Variants in ACOT12 observed in about 807,000 individuals in gnomAD.
ACOT12 encodes acyl-CoA thioesterase 12, also known as acetyl-coenzyme A thioesterase.
A neutral mutation model predicts 67.7 loss-of-function variants in ACOT12; 51 were observed. The ratio of observed to expected loss-of-function variants is 0.75; its 90% CI spans 0.60 to 0.95. ACOT12 has a LOEUF of 0.95. Among genes scored for constraint, ACOT12 ranks in the 40% least tolerant of loss-of-function variants. The probability of loss-of-function intolerance (pLI) is 0.00; values close to 1 mark genes in which losing one functional copy is unlikely to be tolerated. For synonymous variants in ACOT12, 251 were observed against 244.6 expected, an observed-to-expected ratio of 1.03 and a Z score of -0.24; for missense variants, 734 against 708.1, an observed-to-expected ratio of 1.04 and a Z score of -0.41.
At chr5:81,378,937 C>G (rs548576230) in intron 2 of ACOT12, among the ~76,000 whole-genome samples, 2 of 152,284 alleles carry the variant, frequency 1.3e-5, no homozygotes, top group East Asian at 1.9e-4. Context: ...CCTCAAGGAT[C>G]TAGAACTAGA....
At position 81,393,979 on chromosome 5, in the gene ACOT12, C is replaced by T. The variant is rs1052649132; in HGVS notation, c.127+9G>A. The T allele has an allele frequency of 1.3e-5, 18 of 1,343,836 alleles. No individual in the cohort carries two copies. The highest frequency in any genetic ancestry group is 7.6e-5 in the Admixed American group (2 of 26,228). 83.2% of individuals were successfully genotyped at this position (1,343,836 alleles called of 1,614,324 possible). ...CCCGCGCCTCCCCGCAGCCCCGGCG[C>T]CCGCCTACCCGCCAGGCAGGCGGTG... On this transcript the variant is annotated intron_variant, in intron 1 of 14. Transcript: ENST00000307624.
At chr5:81,308,685 G>A in the ACOT12 span, 1 of 1,612,610 alleles carries the variant, frequency 6.2e-7, no homozygotes, top group Non-Finnish European at 8.5e-7. Flanking sequence ...ATAACCAAGT[G>A]TAAGGCTAAA....
chr5:81,311,497 C>A, the ACOT12 span, among the ~76,000 whole-genome samples: 7 of 152,030 alleles, frequency 4.6e-5, no homozygotes, highest in African/African-American at 1.7e-4. Context: ...CCTTAGGGGA[C>A]CCTGACTTTA....
At chr5:81,366,493 T>C (rs1431173816) in intron 3 of ACOT12, among the ~76,000 whole-genome samples, 1 of 152,212 alleles carries the variant, frequency 6.6e-6, no homozygotes, top group Non-Finnish European at 1.5e-5. Context: ...TAAGGCCAGA[T>C]AGTAAATATT....
chr5:81,362,167 T>A (rs1056039649), intron 4 of ACOT12, among the ~76,000 whole-genome samples: 1 of 148,848 alleles, frequency 6.7e-6, no homozygotes, highest in Non-Finnish European at 1.5e-5. Flanking sequence ...TATATTCTTT[T>A]TTTTTTTTTT....
At chr5:81,335,699 TTCAGTATGGAGA>T in intron 12 of ACOT12, 57 bp downstream of exon 12, 1 of 1,512,926 alleles carries the variant, frequency 6.6e-7, no homozygotes, top group Non-Finnish European at 9.0e-7. Context: ...GGAGATGGAC[TTCAGTATGGAGA>T]TCATCTTTTA....
chr5:81,336,319 A>G (rs535177189), intron 11 of ACOT12, among the ~76,000 whole-genome samples: 12 of 152,244 alleles, frequency 7.9e-5, no homozygotes, highest in African/African-American at 2.4e-4. Context: ...ATAGCTTAGG[A>G]CACTTTCCCA....
intron 10 of ACOT12, 106 bp from the exon 11 acceptor site, chr5:81,342,861 G>C: frequency 8.1e-6 from 9 of 1,108,324 alleles, no homozygotes; most frequent in Non-Finnish European, 1.2e-5. Context: ...GGTATGTGTT[G>C]AGTCCTAGTG....
At chr5:81,373,677 G>A (rs1760323382) in intron 2 of ACOT12, among the ~76,000 whole-genome samples, 1 of 152,190 alleles carries the variant, frequency 6.6e-6, no homozygotes, top group South Asian at 2.1e-4. Flanking sequence ...CTCGAGCTTG[G>A]TGAGGGGAGG....
chr5:81,330,671 A>T, intron 14 of ACOT12, 128 bp from the exon 15 acceptor site: 1 of 1,475,094 alleles, frequency 6.8e-7, no homozygotes, highest in South Asian at 1.3e-5. Context: ...TCTGGAATAG[A>T]TGATCCGAAA....
chr5:81,374,993 C>T (rs1037135715), intron 2 of ACOT12, among the ~76,000 whole-genome samples: 1 of 152,090 alleles, frequency 6.6e-6, no homozygotes, highest in Non-Finnish European at 1.5e-5. Context: ...ACAGAGAATA[C>T]CACAAAGGTA....
intron 2 of ACOT12, among the ~76,000 whole-genome samples, chr5:81,376,890 A>G (rs1326173674): frequency 6.6e-6 from 1 of 152,220 alleles, no homozygotes; most frequent in Non-Finnish European, 1.5e-5. Flanking sequence ...ATGGATTCAC[A>G]GCCGAATTAT....
chr5:81,342,896 T>A, intron 10 of ACOT12, 141 bp from the exon 11 acceptor site: 2 of 874,364 alleles, frequency 2.3e-6, no homozygotes, highest in East Asian at 2.8e-5. Flanking sequence ...AGAACTAAAC[T>A]ACAGGCCAGG....
At chr5:81,376,756 C>A (rs934236201) in intron 2 of ACOT12, among the ~76,000 whole-genome samples, 4 of 152,114 alleles carry the variant, frequency 2.6e-5, no homozygotes, top group Admixed American at 6.5e-5. Context: ...GGATAAATTC[C>A]TGGACACATA....
At chr5:81,373,442 A>G (rs1348400539) in intron 2 of ACOT12, among the ~76,000 whole-genome samples, 1 of 152,170 alleles carries the variant, frequency 6.6e-6, no homozygotes, top group African/African-American at 2.4e-5. Flanking sequence ...CTGGGCGGCC[A>G]TTTGGGGAGA....
At chr5:81,366,004 C>T (rs1006602636) in intron 3 of ACOT12, among the ~76,000 whole-genome samples, 2 of 152,340 alleles carry the variant, frequency 1.3e-5, no homozygotes, top group African/African-American at 2.4e-5. Flanking sequence ...TCCTGGGAAA[C>T]TGTAACATGG....
intron 2 of ACOT12, among the ~76,000 whole-genome samples, chr5:81,382,914 AC>A (rs1181242048): frequency 6.6e-6 from 1 of 151,998 alleles, no homozygotes; most frequent in Non-Finnish European, 1.5e-5. Context: ...TCCTGAACAA[AC>A]TTTTCCTCAG....
the ACOT12 span, among the ~76,000 whole-genome samples, chr5:81,315,234 T>C: frequency 6.6e-6 from 1 of 152,186 alleles, no homozygotes; most frequent in Non-Finnish European, 1.5e-5. Context: ...CCTTTTTGTC[T>C]CTTTTTTCAC....
chr5:81,371,815 G>C lies in ACOT12; in HGVS notation c.198-5C>G. 6.2e-7 allele frequency: 1 copy of C among 1,613,354 alleles called. No homozygotes were observed. The highest frequency in any genetic ancestry group is 8.5e-7 in the Non-Finnish European group (1 of 1,179,714). ...ATGGTTATAACTTGTCCAACTCTAG[G>C]GAAAAACAAACAAAAAAACCTCAGT... On this transcript the variant is annotated splice_polypyrimidine_tract_variant and splice_region_variant and intron_variant, in intron 2 of 14. Transcript: ENST00000307624.
Sources: gnomAD v4.1 joint callset for allele counts (sites outside exome capture counted in the v4.1 genomes callset) on GRCh38, gnomAD v4.1.1 for gene constraint, MANE v1.5 for transcripts, NCBI Gene and HGNC (gene_info 2026-07-23, HGNC 2026-07-21) for gene names.